MROH7: variants seen among roughly 807,000 people sequenced by gnomAD.
The protein encoded by MROH7 is maestro heat like repeat family member 7, also known as maestro heat-like repeat-containing protein family member 7.
Under a neutral mutation model 129.2 loss-of-function variants are expected in MROH7, and 113 were observed. That is an observed-to-expected ratio of 0.87 (90% CI 0.75 to 1.02). The LOEUF (loss-of-function observed/expected upper bound fraction) is 1.02, where lower values mean the gene tolerates loss of function less well. Among genes scored for constraint, MROH7 ranks in the 50% least tolerant of loss-of-function variants. MROH7 has a pLI of 0.00. For synonymous variants in MROH7, 655 were observed against 667.9 expected (o/e 0.98, Z 0.30); for missense variants, 1,601 against 1,671.3 (o/e 0.96, Z 0.73).
At chr1:54,647,558 G>A (rs575402798) in intron 1 of MROH7, among the ~76,000 whole-genome samples, 1 of 152,216 alleles carries the variant, frequency 6.6e-6, no homozygotes, top group African/African-American at 2.4e-5. Flanking sequence ...TGACCAATAT[G>A]ATGAAACCCC....
At chr1:54,649,386 T>C (rs1644520563) in intron 1 of MROH7, among the ~76,000 whole-genome samples, 1 of 152,264 alleles carries the variant, frequency 6.6e-6, no homozygotes, top group Admixed American at 6.5e-5. Flanking sequence ...TGAGCTCCTT[T>C]AGCTCCTGTA....
At chr1:54,655,120 T>C (rs1644623502) in intron 3 of MROH7, among the ~76,000 whole-genome samples, 1 of 151,472 alleles carries the variant, frequency 6.6e-6, no homozygotes, top group Admixed American at 6.6e-5. Flanking sequence ...GTTCAAGTGA[T>C]TCTCCTGCCT....
At chr1:54,691,805 TG>T (rs1312144743) in intron 15 of MROH7, among the ~76,000 whole-genome samples, 2 of 90,806 alleles carry the variant, frequency 2.2e-5, no homozygotes, top group Non-Finnish European at 4.3e-5. Context: ...AAAAAAAAAG[TG>T]TGTGTGTGTG....
chr1:54,659,166 C>T (rs1195967466), intron 3 of MROH7: 6 of 398,920 alleles, frequency 1.5e-5, no homozygotes, highest in African/African-American at 1.1e-4. Flanking sequence ...GCGATCTCGG[C>T]TCACTGCAAC....
chr1:54,660,556 G>A (rs544629131), intron 3 of MROH7, among the ~76,000 whole-genome samples: 2 of 152,352 alleles, frequency 1.3e-5, no homozygotes, highest in Admixed American at 6.5e-5. Context: ...GCTCACGCCT[G>A]TAATCCCAGC....
Position 54,665,059 on chromosome 1 carries a change from G to T in MROH7, c.1232-108G>T. On this transcript the variant is annotated intron_variant, in intron 3 of 23. Coordinates refer to ENST00000421030, the MANE Select transcript of MROH7 (RefSeq NM_001039464.4). Reference sequence around the variant, plus strand: ...AAGAAAGCTCAGTGTGGCTGCTGGGGTGGGGTAAGGATTGGAGGTGCCTAG... The same window carrying T: ...AAGAAAGCTCAGTGTGGCTGCTGGGTTGGGGTAAGGATTGGAGGTGCCTAG... 2.7e-6 allele frequency: 2 copies of T among 740,778 alleles called. 1 individual carries two copies. Among genetic ancestry groups the T allele is most frequent in the South Asian group, 3.4e-5 (2 of 58,060 alleles). The allele number at this position is 740,778 out of a possible 1,614,324, so 45.9% of individuals were successfully genotyped here.
chr1:54,694,083 T>C (rs1227426214), intron 16 of MROH7, among the ~76,000 whole-genome samples: 2 of 152,192 alleles, frequency 1.3e-5, no homozygotes, highest in Non-Finnish European at 2.9e-5. Flanking sequence ...AGTTTCACTA[T>C]GTTGGCCAGG....
In MROH7 at chr1:54,710,154, A is replaced by G; in HGVS notation, c.3939A>G (p.Ala1313=). ...SHQRRSWIMQ[A]LGSWKMSLKK Reference sequence around the variant, plus strand: ...AGCGGCGCTCCTGGATCATGCAGGCACTGGGCTCCTGGAAGATGTCCTTGA... The same window carrying G: ...AGCGGCGCTCCTGGATCATGCAGGCGCTGGGCTCCTGGAAGATGTCCTTGA... The change falls in exon 24 of 24, where the codon GCA becomes GCG. Residue 1313 remains alanine, a synonymous_variant. Transcript: ENST00000421030. 6.2e-7 allele frequency: 1 copy of G among 1,613,476 alleles called. No individual in the cohort carries two copies. The highest frequency in any genetic ancestry group is 1.1e-5 in the South Asian group (1 of 91,060).
intron 3 of MROH7, among the ~76,000 whole-genome samples, chr1:54,655,016 T>A (rs1482844661): frequency 2.5e-5 from 2 of 79,916 alleles, no homozygotes; most frequent in East Asian, 4.3e-4. Context: ...GAGAATCCTA[T>A]TTTTTTTTTT....
At position 54,668,886 on chromosome 1, in the gene MROH7, G is replaced by C. The variant is rs200925719; in HGVS notation, c.1338G>C (p.Gln446His). The change falls in exon 5 of 24, where the codon CAG (glutamine) becomes CAC (histidine). Residue 446 changes from glutamine (Q) to histidine (H), a missense_variant. Coordinates refer to ENST00000421030, the MANE Select transcript of MROH7 (RefSeq NM_001039464.4). The stretch of plus-strand genomic sequence containing the variant: ...ATGTCACCACCCTTCAGAAGAGCCA[G>C]GATCTGCTGGAGGCAGAAGGAGAAA... ...VENVTTLQKSQDLLEAEGEKK... is the reference protein window; with the variant it reads ...VENVTTLQKSHDLLEAEGEKK... The C allele has an allele frequency of 3.2e-5, 52 of 1,613,916 alleles. No homozygotes were observed. The highest frequency in any genetic ancestry group is 4.2e-5 in the Non-Finnish European group (50 of 1,179,948).
In MROH7 at chr1:54,662,178, C is replaced by G. The variant is rs113281784; in HGVS notation, c.1232-2989C>G. ...GAGGCTACAGTCAGCCATGATTGCA[C>G]CACTGCACTCCAGCCTGGATGACAG... On this transcript the variant is annotated intron_variant, in intron 3 of 23. Transcript: ENST00000421030. Among the ~76,000 whole-genome samples, 353 of 152,240 alleles carry G rather than the reference C, an allele frequency of 2.3e-3. 2 individuals carry two copies. The highest frequency in any genetic ancestry group is 8.2e-3 in the African/African-American group (341 of 41,540).
At chr1:54,684,511 T>C (rs965544547) in intron 14 of MROH7, among the ~76,000 whole-genome samples, 1 of 152,270 alleles carries the variant, frequency 6.6e-6, no homozygotes, top group Non-Finnish European at 1.5e-5. Flanking sequence ...CCAGCAAGCA[T>C]AGTTTAAGCA....
At chr1:54,676,302 A>G (rs1444528319) in intron 10 of MROH7, among the ~76,000 whole-genome samples, 4 of 152,158 alleles carry the variant, frequency 2.6e-5, no homozygotes, top group Non-Finnish European at 5.9e-5. Flanking sequence ...CAGTGGCTCA[A>G]TCATGGCTCA....
At position 54,696,659 on chromosome 1, in the gene MROH7, C is replaced by CTTTTTT. The variant is rs1157748080; in HGVS notation, c.2964+1194_2964+1199dup. On this transcript the variant is annotated intron_variant, in intron 17 of 23. Coordinates refer to ENST00000421030, the MANE Select transcript of MROH7 (RefSeq NM_001039464.4). ...TGTTGCATGCATCACAATTTCCTTA[C>CTTTTTT]TTTTTTTTTTTTTTTTTTTTTTTTT... 2.3e-3 allele frequency among the ~76,000 whole-genome samples: 152 copies of CTTTTTT among 66,896 alleles called. 5 individuals carry two copies. The highest frequency in any genetic ancestry group is 2.6e-3 in the African/African-American group (38 of 14,620). 43.9% of individuals were successfully genotyped at this position (66,896 alleles called of 152,430 possible).
chr1:54,678,823 G>A lies in MROH7; in HGVS notation c.2018G>A (p.Ser673Asn), dbSNP rs772715902. The A allele has an allele frequency of 6.2e-7, 1 of 1,613,900 alleles. No individual in the cohort carries two copies. Among genetic ancestry groups the A allele is most frequent in the Admixed American group, 1.7e-5 (1 of 60,016 alleles). ...TTCCTGGGGCCCTACAACCCTGTGA[G>A]CCCGTGCCAGAACATTCTGCGGGTG... The part of the protein sequence containing the change: ...KHFLGPYNPV[S>N]PCQNILRVIE... The change falls in exon 11 of 24, where the codon AGC (serine) becomes AAC (asparagine). Residue 673 changes from serine (S) to asparagine (N), a missense_variant. By Grantham distance (46) the Ser-to-Asn change is conservative (BLOSUM62 1). Coordinates refer to ENST00000421030, the MANE Select transcript of MROH7 (RefSeq NM_001039464.4).
At chr1:54,706,634 G>C in intron 22 of MROH7, 97 bp downstream of exon 22, 1 of 879,906 alleles carries the variant, frequency 1.1e-6, no homozygotes, top group Non-Finnish European at 1.8e-6. Flanking sequence ...CACCTGGGGG[G>C]ATGCTTCCCT....
chr1:54,692,526 G>A lies in MROH7; in HGVS notation c.2814G>A (p.Val938=). 6.2e-7 allele frequency: 1 copy of A among 1,613,946 alleles called. No individual in the cohort carries two copies. The highest frequency in any genetic ancestry group is 8.5e-7 in the Non-Finnish European group (1 of 1,180,016). ...GTGGCTGGGAGCTCATGGAGCAGGT[G>A]GAGAGCCACCACCGCGGAGTGGCCT... The part of the protein sequence containing the change: ...DQGGWELMEQ[V]ESHHRGVALL... The change falls in exon 16 of 24, where the codon GTG becomes GTA. Residue 938 remains valine, a synonymous_variant. Transcript: ENST00000421030.
chr1:54,695,707 G>T, intron 17 of MROH7: 1 of 589,962 alleles, frequency 1.7e-6, no homozygotes. Context: ...CTCCCCTAGT[G>T]CCCAGGGAAC....
intron 4 of MROH7, among the ~76,000 whole-genome samples, chr1:54,666,349 A>G (rs1644813941): frequency 6.6e-6 from 1 of 151,436 alleles, no homozygotes. Context: ...AGAAACTTAT[A>G]TACCATTTTG....
Sources: gnomAD v4.1 joint callset for allele counts (sites outside exome capture counted in the v4.1 genomes callset) on GRCh38, gnomAD v4.1.1 for gene constraint, MANE v1.5 for transcripts, NCBI Gene and HGNC (gene_info 2026-07-23, HGNC 2026-07-21) for gene names.